Variants in KHDRBS3 observed in about 807,000 individuals in gnomAD.
KHDRBS3 encodes the protein KH domain-containing, RNA-binding, signal transduction-associated protein 3.
In KHDRBS3, 23 loss-of-function variants were observed where a neutral mutation model predicts 45.6. The ratio of observed to expected loss-of-function variants is 0.50; its 90% CI spans 0.36 to 0.72. The LOEUF (loss-of-function observed/expected upper bound fraction) is 0.72. Ranked by LOEUF, KHDRBS3 falls within the 30% of genes least tolerant of loss-of-function variation. KHDRBS3 has a pLI of 0.00. For synonymous variants in KHDRBS3, 162 were observed against 156.5 expected (o/e 1.04, Z -0.26); for missense variants, 352 against 424.8 (o/e 0.83, Z 1.51).
rs950307332 is a variant in KHDRBS3 at position 135,638,342 on chromosome 8, G to A, written c.891-6717G>A. Among the ~76,000 whole-genome samples, 5 of 152,234 alleles carry A rather than the reference G, an allele frequency of 3.3e-5. No homozygotes were observed. The South Asian group carries it at 6.2e-4, about 19-fold the overall frequency. On this transcript the variant is annotated intron_variant, in intron 7 of 8. Coordinates refer to ENST00000355849, the MANE Select transcript of KHDRBS3 (RefSeq NM_006558.3). ...ACCCAGGAGCCCCCAGAGACAAAGC[G>A]TACGTTACTAGCACATCCCACCTAA...
At position 135,460,232 on chromosome 8, in the gene KHDRBS3, A is replaced by G. The variant is rs1271555360; in HGVS notation, c.88+2278A>G. 3.3e-5 allele frequency among the ~76,000 whole-genome samples: 5 copies of G among 152,192 alleles called. No homozygotes were observed. The South Asian group carries it at 1.0e-3, about 31-fold the overall frequency. On this transcript the variant is annotated intron_variant, in intron 1 of 8. Coordinates refer to ENST00000355849, the MANE Select transcript of KHDRBS3 (RefSeq NM_006558.3). ...AACTGTGTTTTCAGCAGTTATTCAC[A>G]TTGGAGTTGGTATTTCAGCACTAAA... is the stretch of plus-strand genomic sequence containing the variant.
chr8:135,525,485 C>T (rs1479544145), intron 2 of KHDRBS3, among the ~76,000 whole-genome samples: 1 of 152,170 alleles, frequency 6.6e-6, no homozygotes, highest in African/African-American at 2.4e-5. Context: ...GAAGTCATAA[C>T]TTTCTTTCAG....
In KHDRBS3 at chr8:135,625,431, A is replaced by G. The variant is rs967345855; in HGVS notation, c.890+18394A>G. The stretch of plus-strand genomic sequence containing the variant: ...CTGCCTCATCGTGCCCATTGCGCAC[A>G]CCAGGGTCTTTCACACCACACCAGG... On this transcript the variant is annotated intron_variant, in intron 7 of 8. Coordinates refer to ENST00000355849, the MANE Select transcript of KHDRBS3 (RefSeq NM_006558.3). 43 of 773,490 alleles carry G rather than the reference A, an allele frequency of 5.6e-5. No homozygotes were observed. In the African/African-American group the frequency reaches 7.0e-4, roughly 13 times the overall value. 47.9% of individuals were successfully genotyped at this position (773,490 alleles called of 1,614,324 possible). A position where few individuals can be genotyped will look rare whatever the true frequency, so the allele number is the denominator to read the frequency against.
intron 7 of KHDRBS3, among the ~76,000 whole-genome samples, chr8:135,623,789 G>A (rs1217165695): frequency 1.3e-5 from 2 of 152,040 alleles, no homozygotes; most frequent in Admixed American, 6.6e-5. Context: ...CTGAATCTGG[G>A]TTTTCCTCTG....
At chr8:135,551,324 T>G (rs12679923) in intron 4 of KHDRBS3, among the ~76,000 whole-genome samples, 13,117 of 152,198 alleles carry the variant, frequency 0.086, 692 homozygotes, top group East Asian at 0.18. Flanking sequence ...GAATGCAGTG[T>G]TGTTTCTAAA....
chr8:135,504,450 G>C (rs1408015116), intron 1 of KHDRBS3, among the ~76,000 whole-genome samples: 1 of 152,158 alleles, frequency 6.6e-6, no homozygotes, highest in East Asian at 1.9e-4. Flanking sequence ...AACTTGGCTG[G>C]TTGTAGCATT....
chr8:135,520,868 A>G (rs1192569898), intron 1 of KHDRBS3, among the ~76,000 whole-genome samples: 1 of 152,174 alleles, frequency 6.6e-6, no homozygotes, highest in East Asian at 1.9e-4. Flanking sequence ...ATTGGTAACT[A>G]GGGATGTTTC....
At chr8:135,549,747 A>G (rs550905892) in intron 4 of KHDRBS3, 5 of 152,326 alleles carry the variant, frequency 3.3e-5, no homozygotes, top group African/African-American at 1.2e-4. Flanking sequence ...ATCCCAGGTT[A>G]GTTTGGTGGA....
intron 1 of KHDRBS3, among the ~76,000 whole-genome samples, chr8:135,517,862 T>G (rs1175679198): frequency 6.6e-6 from 1 of 152,186 alleles, no homozygotes; most frequent in Non-Finnish European, 1.5e-5. Context: ...ATTCAAAATT[T>G]AAGATAGAAA....
intron 7 of KHDRBS3, among the ~76,000 whole-genome samples, chr8:135,611,617 A>G (rs1457579381): frequency 1.3e-5 from 2 of 151,772 alleles, no homozygotes; most frequent in African/African-American, 4.9e-5. Context: ...GTGCACTAAC[A>G]TTTCTGGTGT....
At chr8:135,483,381 G>A (rs1191340387) in intron 1 of KHDRBS3, among the ~76,000 whole-genome samples, 1 of 152,146 alleles carries the variant, frequency 6.6e-6, no homozygotes, top group Non-Finnish European at 1.5e-5. Flanking sequence ...GCTGCCATTA[G>A]TGGTTTGTTG....
At chr8:135,508,269 G>T (rs181679596) in intron 1 of KHDRBS3, among the ~76,000 whole-genome samples, 1 of 152,146 alleles carries the variant, frequency 6.6e-6, no homozygotes, top group East Asian at 1.9e-4. Flanking sequence ...AGAGAATAAG[G>T]TGCTTGTATT....
At chr8:135,508,569 A>G (rs1824123001) in intron 1 of KHDRBS3, among the ~76,000 whole-genome samples, 1 of 152,174 alleles carries the variant, frequency 6.6e-6, no homozygotes, top group Non-Finnish European at 1.5e-5. Flanking sequence ...TGCAATTAAA[A>G]GTGAGAAATG....
chr8:135,534,914 A>G (rs920762777), intron 2 of KHDRBS3, among the ~76,000 whole-genome samples: 6 of 152,164 alleles, frequency 3.9e-5, no homozygotes, highest in African/African-American at 1.4e-4. Context: ...GAAGCTTAAG[A>G]TACTCAGGTG....
chr8:135,494,214 T>G (rs1823299672), intron 1 of KHDRBS3, among the ~76,000 whole-genome samples: 1 of 151,770 alleles, frequency 6.6e-6, no homozygotes, highest in Non-Finnish European at 1.5e-5. Context: ...TTTTCCAATA[T>G]TTTGTACTTG....
chr8:135,601,539 A>T (rs1199884116), intron 6 of KHDRBS3, among the ~76,000 whole-genome samples: 2 of 152,224 alleles, frequency 1.3e-5, no homozygotes, highest in Non-Finnish European at 2.9e-5. Flanking sequence ...GGCACAGGAC[A>T]CATTGCAGAA....
intron 2 of KHDRBS3, among the ~76,000 whole-genome samples, chr8:135,537,005 T>G (rs923242182): frequency 8.9e-6 from 1 of 112,840 alleles, no homozygotes; most frequent in African/African-American, 3.6e-5. Context: ...AAAGGAGATG[T>G]TTAGGAGGTA....
chr8:135,650,364 C>G (rs904176534), downstream of KHDRBS3, among the ~76,000 whole-genome samples: 5 of 152,182 alleles, frequency 3.3e-5, no homozygotes, highest in Non-Finnish European at 7.3e-5. Context: ...CCTCCACCCT[C>G]TCTAAAGAGC....
In KHDRBS3 at chr8:135,553,524, G is replaced by A. The variant is rs192781427; in HGVS notation, c.472-3924G>A. 7.9e-5 allele frequency among the ~76,000 whole-genome samples: 12 copies of A among 152,186 alleles called. No homozygotes were observed. The East Asian group carries it at 2.1e-3, about 27-fold the overall frequency. On this transcript the variant is annotated intron_variant, in intron 4 of 8. Transcript: ENST00000355849. ...TATTTTATTATATGCATGTTCCAGAGTTTATTTAATTGGCCCTCAAATAAT... is the reference window on the plus strand; with the variant it reads ...TATTTTATTATATGCATGTTCCAGAATTTATTTAATTGGCCCTCAAATAAT...
Sources: gnomAD v4.1 joint callset for allele counts (sites outside exome capture counted in the v4.1 genomes callset) on GRCh38, gnomAD v4.1.1 for gene constraint, MANE v1.5 for transcripts, NCBI Gene and HGNC (gene_info 2026-07-23, HGNC 2026-07-21) for gene names.